TBX21: variants seen among roughly 807,000 people sequenced by gnomAD.
TBX21 encodes the protein T-box transcription factor TBX21.
Under a neutral mutation model 52.2 loss-of-function variants are expected in TBX21, and 11 were observed. That is an observed-to-expected ratio of 0.21 (90% CI 0.13 to 0.35). TBX21 has a LOEUF of 0.35. Ranked by LOEUF, TBX21 falls within the 10% of genes least tolerant of loss-of-function variation. The pLI is 1.00. For missense variants in TBX21, 625 were observed against 755.1 expected, an observed-to-expected ratio of 0.83 and a Z score of 2.02; for synonymous variants, 300 against 316.1, an observed-to-expected ratio of 0.95 and a Z score of 0.54.
chr17:47,744,804 T>C lies in TBX21; in HGVS notation c.1046T>C (p.Phe349Ser), dbSNP rs1362068167. The C allele has an allele frequency of 6.2e-7, 1 of 1,614,010 alleles. No individual in the cohort carries two copies. The highest frequency in any genetic ancestry group is 8.5e-7 in the Non-Finnish European group (1 of 1,180,018). Residue 349 changes from phenylalanine to serine, a missense_variant, in exon 6 of 6, where the codon TTC (phenylalanine) becomes TCC (serine). Phe to Ser is a radical substitution (Grantham distance 155). Transcript: ENST00000177694. ...IPSPPGPNCQ[F>S]LGGDHYSPLL... ...TCCCCGCCTGGACCCAACTGTCAAT[T>C]CCTTGGGGGAGATCACTACTCTCCT...
At position 47,744,200 on chromosome 17, in the gene TBX21, T is replaced by A; in HGVS notation, c.774T>A (p.Ile258=). The change falls in exon 4 of 6, where the codon ATT becomes ATA. Residue 258 remains isoleucine (I), a synonymous_variant. Coordinates refer to ENST00000177694, the MANE Select transcript of TBX21 (RefSeq NM_013351.2). ...KGASNNVTQM[I]VLQSLHKYQP... Reference sequence around the variant, plus strand: ...CCGTCTTGCTCTGTCTACAGATGATTGTGCTCCAGTCCCTCCATAAGTACC... The same window carrying A: ...CCGTCTTGCTCTGTCTACAGATGATAGTGCTCCAGTCCCTCCATAAGTACC... The A allele has an allele frequency of 6.2e-7, 1 of 1,614,172 alleles. No homozygotes were observed. Among genetic ancestry groups the A allele is most frequent in the Middle Eastern group, 1.7e-4 (1 of 6,060 alleles).
intron 1 of TBX21, among the ~76,000 whole-genome samples, chr17:47,736,341 A>G (rs1366623302): frequency 1.3e-5 from 2 of 152,136 alleles, no homozygotes; most frequent in African/African-American, 4.8e-5. Context: ...AGTAATTACT[A>G]AGTACATTCT....
intron 1 of TBX21, among the ~76,000 whole-genome samples, chr17:47,740,826 C>T (rs1231444878): frequency 6.6e-6 from 1 of 152,086 alleles, no homozygotes; most frequent in African/African-American, 2.4e-5. Flanking sequence ...GGAAGACAGG[C>T]GTGTGACAGC....
At position 47,742,841 on chromosome 17, in the gene TBX21, C is replaced by A; in HGVS notation, c.646+77C>A. 1 of 1,491,890 alleles carries A rather than the reference C, an allele frequency of 6.7e-7. No individual in the cohort carries two copies. 92.4% of individuals were successfully genotyped at this position (1,491,890 alleles called of 1,614,324 possible). On this transcript the variant is annotated intron_variant, in intron 2 of 5. Coordinates refer to ENST00000177694, the MANE Select transcript of TBX21 (RefSeq NM_013351.2). The surrounding 1 kb of genome is among the most constrained non-coding windows in gnomAD (Gnocchi z 4.4). Reference sequence around the variant, plus strand: ...CCCTGGTGGGCCCACCAAGCCCCTACCCCTAATTCCTAGACCTTTAACCCC... The same window carrying A: ...CCCTGGTGGGCCCACCAAGCCCCTAACCCTAATTCCTAGACCTTTAACCCC...
chr17:47,745,080 A>G lies in TBX21; in HGVS notation c.1322A>G (p.Lys441Arg), dbSNP rs962901761. ...GWPVAPQYPP[K>R]MGPASWFRPM... The stretch of plus-strand genomic sequence containing the variant: ...CCTGTGGCACCCCAGTACCCTCCCA[A>G]GATGGGCCCGGCCAGCTGGTTCCGC... Residue 441 changes from lysine (K) to arginine (R), a missense_variant, in exon 6 of 6, where the codon AAG becomes AGG. Coordinates refer to ENST00000177694, the MANE Select transcript of TBX21 (RefSeq NM_013351.2). 6.2e-7 allele frequency: 1 copy of G among 1,613,618 alleles called. No homozygotes were observed.
intron 3 of TBX21, among the ~76,000 whole-genome samples, chr17:47,743,744 G>A (rs1289360390): frequency 6.6e-6 from 1 of 152,006 alleles, no homozygotes; most frequent in African/African-American, 2.4e-5. Flanking sequence ...GCCAAGCATG[G>A]TGGCGGGTGC....
rs2032161133 is a variant in TBX21 at position 47,733,351 on chromosome 17, G to A, written c.-104G>A. The A allele has an allele frequency of 7.5e-7, 1 of 1,331,032 alleles. No homozygotes were observed. The highest frequency in any genetic ancestry group is 3.1e-5 in the East Asian group (1 of 31,750). The allele number at this position is 1,331,032 out of a possible 1,614,324, so 82.5% of individuals were successfully genotyped here. On this transcript the variant is annotated 5_prime_UTR_variant, in exon 1 of 6. Coordinates refer to ENST00000177694, the MANE Select transcript of TBX21 (RefSeq NM_013351.2). This position sits in a 1 kb window ranked among gnomAD's most constrained non-coding sequence, Gnocchi z 6.6. ...CGGTGGGGTCCCCCACCCGGCCCTC[G>A]GGTCCCCCGCCCCCTGCTCCCTGCC...
Position 47,733,503 on chromosome 17 carries a change from C to A in TBX21, c.49C>A (p.Pro17Thr). Residue 17 changes from proline to threonine, a missense_variant, in exon 1 of 6, where the codon CCG becomes ACG. Physicochemically the swap from Pro to Thr is conservative, Grantham distance 38. Coordinates refer to ENST00000177694, the MANE Select transcript of TBX21 (RefSeq NM_013351.2). The surrounding 1 kb of genome is among the most constrained non-coding windows in gnomAD (Gnocchi z 6.6). ...CGGAGACATGCTGACGGGCACCGAG[C>A]CGATGCCGGGGAGCGACGAGGGCCG... Reference protein sequence around the residue: ...GCGDMLTGTEPMPGSDEGRAP... With the variant: ...GCGDMLTGTETMPGSDEGRAP... 1 of 1,495,094 alleles carries A rather than the reference C, an allele frequency of 6.7e-7. No homozygotes were observed. 92.6% of individuals were successfully genotyped at this position (1,495,094 alleles called of 1,614,324 possible). A position where few individuals can be genotyped will look rare whatever the true frequency, so the allele number is the denominator to read the frequency against.
chr17:47,738,864 G>C (rs1192086174), intron 1 of TBX21, among the ~76,000 whole-genome samples: 3 of 152,164 alleles, frequency 2.0e-5, no homozygotes. Flanking sequence ...GCCTCCCAAA[G>C]TGCTGGGATT....
chr17:47,733,965 C>T lies in TBX21; in HGVS notation c.491+20C>T, dbSNP rs757691987. 6.2e-7 allele frequency: 1 copy of T among 1,612,554 alleles called. No homozygotes were observed. On this transcript the variant is annotated intron_variant, in intron 1 of 5. Coordinates refer to ENST00000177694, the MANE Select transcript of TBX21 (RefSeq NM_013351.2). This position sits in a 1 kb window ranked among gnomAD's most constrained non-coding sequence, Gnocchi z 6.6. ...GGGACGGTGAGTGCGGCGCGCCGGC[C>T]CTTGGGGCCTCTGTGCCCGCGCCGG...
intron 4 of TBX21, 39 bp from the exon 5 acceptor site, chr17:47,744,443 G>A (rs1351328945): frequency 2.5e-6 from 4 of 1,614,128 alleles, no homozygotes; most frequent in Admixed American, 1.7e-5. Context: ...CCGAGCCCCA[G>A]ACTCAGGACT....
At chr17:47,741,678 T>C (rs773682014) in intron 1 of TBX21, among the ~76,000 whole-genome samples, 5 of 151,970 alleles carry the variant, frequency 3.3e-5, no homozygotes, top group Non-Finnish European at 5.9e-5. Context: ...GTTAGCACTG[T>C]GAGAGCCACG....
intron 1 of TBX21, among the ~76,000 whole-genome samples, chr17:47,739,804 G>A (rs1022120785): frequency 6.7e-6 from 1 of 149,082 alleles, no homozygotes; most frequent in Non-Finnish European, 1.5e-5. Flanking sequence ...TTGGGTGCCT[G>A]TAGTCAAGGA....
chr17:47,745,541 C>T lies in TBX21; in HGVS notation c.*175C>T, dbSNP rs1597986969. 2 of 832,402 alleles carry T rather than the reference C, an allele frequency of 2.4e-6. No homozygotes were observed. Among genetic ancestry groups the T allele is most frequent in the Non-Finnish European group, 3.6e-6 (2 of 559,346 alleles). The allele number at this position is 832,402 out of a possible 1,614,324, so 51.6% of individuals were successfully genotyped here. ...GATTTTGGGGTTCACCAGATGCTTC[C>T]TGGCCCACGATGAAACCTGAGAGGG... is the stretch of plus-strand genomic sequence containing the variant. On this transcript the variant is annotated 3_prime_UTR_variant, in exon 6 of 6. Coordinates refer to ENST00000177694, the MANE Select transcript of TBX21 (RefSeq NM_013351.2).
At chr17:47,735,180 G>T (rs2032195051) in intron 1 of TBX21, among the ~76,000 whole-genome samples, 1 of 152,088 alleles carries the variant, frequency 6.6e-6, no homozygotes, top group Non-Finnish European at 1.5e-5. Context: ...AGAAGGCCAT[G>T]TTGGACCCCA....
In TBX21 at chr17:47,745,347, A is replaced by G. The variant is rs938716897; in HGVS notation, c.1589A>G (p.Tyr530Cys). The G allele has an allele frequency of 1.2e-6, 2 of 1,604,760 alleles. No homozygotes were observed. The highest frequency in any genetic ancestry group is 2.2e-5 in the East Asian group (1 of 44,816). Residue 530 changes from tyrosine to cysteine, a missense_variant, in exon 6 of 6, where the codon TAT becomes TGT. Transcript: ENST00000177694. Reference protein sequence around the residue: ...PFDKEAEGQFYNYFPN With the variant: ...PFDKEAEGQFCNYFPN ...GATAAGGAAGCTGAAGGACAGTTTT[A>G]TAACTATTTTCCCAACTGAGCAGAT...
chr17:47,743,217 G>C lies in TBX21; in HGVS notation c.768+25G>C, dbSNP rs768185840. On this transcript the variant is annotated intron_variant, in intron 3 of 5. Transcript: ENST00000177694. ...GGTAGGACCTGCTCTTCAAAAGGTA[G>C]CCTCGCCCTGCTCCCCACCCTGGGT... The C allele has an allele frequency of 2.5e-6, 4 of 1,612,356 alleles. No homozygotes were observed. The East Asian group carries it at 8.9e-5, about 36-fold the overall frequency.
chr17:47,740,170 A>G (rs999858016), intron 1 of TBX21, among the ~76,000 whole-genome samples: 11 of 151,758 alleles, frequency 7.2e-5, no homozygotes, highest in Non-Finnish European at 1.0e-4. Context: ...GGTTCAAGCG[A>G]TTCTCCTTGC....
rs573444606 is a variant in TBX21 at position 47,743,090 on chromosome 17, C to T, written c.666C>T (p.His222=). 9 of 1,614,184 alleles carry T rather than the reference C, an allele frequency of 5.6e-6. No individual in the cohort carries two copies. In the African/African-American group the frequency reaches 1.1e-4, roughly 19 times the overall value. The stretch of plus-strand genomic sequence containing the variant: ...CCACAGGAAACCGCCTGTACGTCCA[C>T]CCGGACTCCCCCAACACAGGAGCGC... The part of the protein sequence containing the change: ...GSMPGNRLYV[H]PDSPNTGAHW... The change falls in exon 3 of 6, where the codon CAC becomes CAT. Residue 222 remains histidine, a synonymous_variant. Transcript: ENST00000177694.
Sources: gnomAD v4.1 joint callset for allele counts (sites outside exome capture counted in the v4.1 genomes callset) on GRCh38, gnomAD v4.1.1 for gene constraint, Gnocchi (gnomAD v3.1) non-coding constraint, MANE v1.5 for transcripts, NCBI Gene and HGNC (gene_info 2026-07-23, HGNC 2026-07-21) for gene names.